The following SPATA16 variants were observed in gnomAD, a reference collection of about 807,000 sequenced individuals.
SPATA16 encodes the protein spermatogenesis-associated protein 16.
Under a neutral mutation model 63.3 loss-of-function variants are expected in SPATA16, and 36 were observed. That is an observed-to-expected ratio of 0.57 (90% CI 0.44 to 0.75). The LOEUF (loss-of-function observed/expected upper bound fraction) is 0.75, where lower values mean the gene tolerates loss of function less well. Ranked by LOEUF, SPATA16 falls within the 30% of genes least tolerant of loss-of-function variation. SPATA16 has a pLI of 0.00. For synonymous variants in SPATA16, 203 were observed against 216.7 expected, an observed-to-expected ratio of 0.94 and a Z score of 0.56; for missense variants, 646 against 679.3, an observed-to-expected ratio of 0.95 and a Z score of 0.54.
intron 4 of SPATA16, among the ~76,000 whole-genome samples, chr3:173,011,341 C>G (rs1381826111): frequency 6.6e-6 from 1 of 152,170 alleles, no homozygotes; most frequent in Non-Finnish European, 1.5e-5. Context: ...ACAGAAAAAG[C>G]TTCCAATAAA....
At chr3:173,133,865 C>T (rs1738453000) in intron 1 of SPATA16, among the ~76,000 whole-genome samples, 1 of 152,106 alleles carries the variant, frequency 6.6e-6, no homozygotes, top group African/African-American at 2.4e-5. Context: ...GCTTAATAGA[C>T]ATATGTCAAA....
intron 2 of SPATA16, among the ~76,000 whole-genome samples, chr3:173,102,629 G>A (rs9870082): frequency 0.038 from 5,818 of 152,160 alleles, 363 homozygotes; most frequent in African/African-American, 0.13. Flanking sequence ...TCCACTTCCA[G>A]TACCCAAACA....
intron 3 of SPATA16, among the ~76,000 whole-genome samples, chr3:173,042,273 G>A (rs955891813): frequency 5.9e-5 from 9 of 152,092 alleles, no homozygotes; most frequent in Non-Finnish European, 1.0e-4. Flanking sequence ...CCAGGCTGGA[G>A]TGCAGTGGTG....
At chr3:172,977,822 A>T (rs1005490054) in intron 4 of SPATA16, among the ~76,000 whole-genome samples, 23 of 152,320 alleles carry the variant, frequency 1.5e-4, no homozygotes, top group African/African-American at 4.1e-4. Context: ...TAAACATATA[A>T]TAATCCTGTG....
At chr3:172,898,849 G>A (rs1206796291) in intron 10 of SPATA16, among the ~76,000 whole-genome samples, 2 of 151,390 alleles carry the variant, frequency 1.3e-5, no homozygotes, top group Non-Finnish European at 3.0e-5. Context: ...TGCATTTAGT[G>A]CTATACATTT....
Position 173,117,455 on chromosome 3 carries a change from T to G in SPATA16, c.277A>C (p.Thr93Pro), listed in dbSNP as rs770810787. ...GTTATCTTTGCCTGTTTCTTTCTAG[T>G]TGGCTTTTCTTCACCTTCTGCCTTC... ...KRKAEGEEKP[T>P]RKKQAKITEL... The change falls in exon 2 of 11, where the codon ACT becomes CCT. Residue 93 changes from threonine to proline, a missense_variant. Physicochemically the swap from Thr to Pro is conservative, Grantham distance 38 (BLOSUM62 -1). Transcript: ENST00000351008. The G allele has an allele frequency of 6.2e-7, 1 of 1,614,174 alleles. No individual in the cohort carries two copies. The highest frequency in any genetic ancestry group is 2.2e-5 in the East Asian group (1 of 44,878).
chr3:172,900,400 C>T (rs532063893), intron 10 of SPATA16, among the ~76,000 whole-genome samples: 9 of 152,236 alleles, frequency 5.9e-5, no homozygotes, highest in South Asian at 2.1e-4. Flanking sequence ...TTTCTTTGGG[C>T]TTATCCTAGT....
chr3:173,049,286 A>G (rs1264517670), intron 2 of SPATA16, among the ~76,000 whole-genome samples, 192 bp from the exon 3 acceptor site: 3 of 152,044 alleles, frequency 2.0e-5, no homozygotes, highest in African/African-American at 7.3e-5. Context: ...TTGATTATAA[A>G]TTAAATAAAT....
At chr3:172,915,589 G>T (rs1732464502) in intron 9 of SPATA16, among the ~76,000 whole-genome samples, 1 of 152,118 alleles carries the variant, frequency 6.6e-6, no homozygotes, top group South Asian at 2.1e-4. Flanking sequence ...TCCTTGAACA[G>T]GCAGCACACT....
In SPATA16 at chr3:172,983,079, G is replaced by A. The variant is rs189701942; in HGVS notation, c.849-6027C>T. On this transcript the variant is annotated intron_variant, in intron 4 of 10. Coordinates refer to ENST00000351008, the MANE Select transcript of SPATA16 (RefSeq NM_031955.6). ...AATGAGACTGATGAGAATCTATTCC[G>A]TTTTAAAGACCTCCACAGAAGGACA... is the stretch of plus-strand genomic sequence containing the variant. Among the ~76,000 whole-genome samples, 440 of 152,226 alleles carry A rather than the reference G, an allele frequency of 2.9e-3. 5 individuals are homozygous for A. The South Asian group carries it at 0.031, about 11-fold the overall frequency.
At chr3:172,902,086 G>A (rs1453859006) in intron 10 of SPATA16, among the ~76,000 whole-genome samples, 1 of 152,206 alleles carries the variant, frequency 6.6e-6, no homozygotes, top group African/African-American at 2.4e-5. Flanking sequence ...CACCCAGGCT[G>A]GAGTGCGGTG....
intron 2 of SPATA16, among the ~76,000 whole-genome samples, chr3:173,082,942 A>G (rs1213687847): frequency 3.3e-5 from 5 of 152,150 alleles, no homozygotes; most frequent in Non-Finnish European, 7.3e-5. Context: ...TCACTTTTGT[A>G]TCACCAGTCC....
At chr3:173,070,014 A>G (rs1560113365) in intron 2 of SPATA16, among the ~76,000 whole-genome samples, 1 of 152,110 alleles carries the variant, frequency 6.6e-6, no homozygotes, top group Non-Finnish European at 1.5e-5. Context: ...AGCCATTTAT[A>G]TAATATCCAC....
At chr3:173,098,965 CCAAA>C (rs1471451997) in intron 2 of SPATA16, among the ~76,000 whole-genome samples, 3 of 152,118 alleles carry the variant, frequency 2.0e-5, no homozygotes, top group South Asian at 2.1e-4. Flanking sequence ...AACCAACCAA[CCAAA>C]CAAACAAAAA....
At chr3:173,007,143 A>G (rs889489875) in intron 4 of SPATA16, among the ~76,000 whole-genome samples, 2 of 152,224 alleles carry the variant, frequency 1.3e-5, no homozygotes, top group Non-Finnish European at 2.9e-5. Context: ...CTGATCAGTT[A>G]AAACAACAGC....
chr3:172,930,081 A>G (rs1283439371), intron 6 of SPATA16, among the ~76,000 whole-genome samples: 2 of 152,198 alleles, frequency 1.3e-5, no homozygotes, highest in Admixed American at 6.5e-5. Context: ...CATTGCTATT[A>G]TCTTGGCCAA....
At chr3:173,036,515 C>T (rs115142925) in intron 3 of SPATA16, among the ~76,000 whole-genome samples, 2,432 of 151,944 alleles carry the variant, frequency 0.016, 68 homozygotes, top group African/African-American at 0.055. Flanking sequence ...ATAAACAATC[C>T]AATCAAAGTA....
intron 10 of SPATA16, among the ~76,000 whole-genome samples, chr3:172,910,295 T>C (rs568920828): frequency 3.9e-5 from 6 of 152,246 alleles, no homozygotes; most frequent in Admixed American, 3.9e-4. Flanking sequence ...GGTTTCACCA[T>C]GTTGGCCAGG....
At chr3:173,082,634 G>A (rs1736951973) in intron 2 of SPATA16, among the ~76,000 whole-genome samples, 1 of 152,194 alleles carries the variant, frequency 6.6e-6, no homozygotes, top group African/African-American at 2.4e-5. Flanking sequence ...GAGTATCCCT[G>A]GCCCCCAGAG....
Sources: allele counts gnomAD v4.1 joint callset (sites outside exome capture counted in the v4.1 genomes callset), GRCh38; gene constraint gnomAD v4.1.1; transcripts MANE v1.5; gene names NCBI Gene and HGNC (gene_info 2026-07-23, HGNC 2026-07-21).